Variants in RAD51 observed in about 807,000 individuals in gnomAD.
RAD51 encodes the protein DNA repair protein RAD51 homolog 1.
In RAD51, 14 loss-of-function variants were observed where a neutral mutation model predicts 41.5. That is an observed-to-expected ratio of 0.34 (90% confidence interval 0.22 to 0.53). RAD51 has a LOEUF of 0.53. RAD51 is among the 20% of genes least tolerant of loss of function. The pLI is 0.95. For synonymous variants in RAD51, 136 were observed against 148.6 expected (o/e 0.92, Z 0.62); for missense variants, 234 against 422.0 (o/e 0.55, Z 3.90).
At chr15:40,730,520 C>CTTTTTTTTTTTTTCTTTTCTTTTTT (rs1555429746) in intron 9 of RAD51, among the ~76,000 whole-genome samples, 29 of 113,074 alleles carry the variant, frequency 2.6e-4, no homozygotes, top group Non-Finnish European at 3.4e-4. Flanking sequence ...AATTTTTTTT[C>CTTTTTTTTTTTTTCTTTTCTTTTTT]TTTTTTTTTT....
intron 3 of RAD51, 127 bp downstream of exon 3, chr15:40,701,328 T>G: frequency 3.8e-6 from 4 of 1,040,354 alleles, no homozygotes; most frequent in Non-Finnish European, 5.8e-6. Flanking sequence ...GGGGTGACTG[T>G]TACCTGTTTC....
intron 5 of RAD51, among the ~76,000 whole-genome samples, chr15:40,711,660 G>A (rs1197692844): frequency 1.3e-5 from 2 of 152,164 alleles, no homozygotes; most frequent in African/African-American, 2.4e-5. Context: ...GCATTTAACT[G>A]TATAGAATGG....
At chr15:40,729,113 C>T (rs1386148722) in intron 7 of RAD51, among the ~76,000 whole-genome samples, 2 of 152,134 alleles carry the variant, frequency 1.3e-5, no homozygotes, top group East Asian at 3.9e-4. Context: ...TGGCTCAAGC[C>T]TGTAATCCCA....
intron 6 of RAD51, among the ~76,000 whole-genome samples, chr15:40,724,778 A>G (rs1423595721): frequency 3.7e-5 from 5 of 136,348 alleles, no homozygotes; most frequent in African/African-American, 1.4e-4. Context: ...TCCCAGGTTC[A>G]CGCCATTCTC....
chr15:40,732,310 G>C lies in RAD51; in HGVS notation c.*1132G>C, dbSNP rs11852786. On this transcript the variant is annotated 3_prime_UTR_variant, in exon 10 of 10. Coordinates refer to ENST00000267868, the MANE Select transcript of RAD51 (RefSeq NM_002875.5). ...CACTTGCAGATGATTGTGCTTAAAA[G>C]CTAATGGAAAAATAAAAGAAAGACA... 92,237 of 168,062 alleles carry C rather than the reference G, an allele frequency of 0.55. 25,930 individuals carry two copies. The highest frequency in any genetic ancestry group is 0.81 in the East Asian group (6,862 of 8,422). 10.4% of individuals were successfully genotyped at this position (168,062 alleles called of 1,614,324 possible).
chr15:40,700,930 C>G, intron 2 of RAD51, 134 bp from the exon 3 acceptor site: 2 of 758,368 alleles, frequency 2.6e-6, no homozygotes, highest in Non-Finnish European at 4.1e-6. Context: ...TCTCCCCCCG[C>G]CCCCCCAAGG....
intron 5 of RAD51, among the ~76,000 whole-genome samples, chr15:40,718,131 G>A (rs369292579): frequency 6.6e-6 from 1 of 152,138 alleles, no homozygotes; most frequent in Non-Finnish European, 1.5e-5. Flanking sequence ...GGTGAGATGG[G>A]AGGATCTCCA....
At chr15:40,712,839 G>A (rs954542033) in intron 5 of RAD51, among the ~76,000 whole-genome samples, 1 of 150,526 alleles carries the variant, frequency 6.6e-6, no homozygotes, top group African/African-American at 2.4e-5. Flanking sequence ...TTCTATCCTC[G>A]GGACTCAACT....
intron 9 of RAD51, among the ~76,000 whole-genome samples, chr15:40,730,520 C>CTTTTTTTTTTTTTTCTTTTCTTTTT (rs1596028824): frequency 3.5e-5 from 4 of 113,106 alleles, no homozygotes; most frequent in Non-Finnish European, 5.1e-5. Flanking sequence ...AATTTTTTTT[C>CTTTTTTTTTTTTTTCTTTTCTTTTT]TTTTTTTTTT....
chr15:40,723,415 T>A (rs1432802711), intron 6 of RAD51, among the ~76,000 whole-genome samples: 2 of 152,198 alleles, frequency 1.3e-5, no homozygotes, highest in Admixed American at 6.5e-5. Context: ...ATCATTATAA[T>A]AGCCCAAAAT....
intron 1 of RAD51, among the ~76,000 whole-genome samples, chr15:40,696,726 AGG>A (rs1322575863): frequency 6.6e-6 from 1 of 152,244 alleles, no homozygotes; most frequent in Non-Finnish European, 1.5e-5. Flanking sequence ...AAAATACATC[AGG>A]AGTGTTGAGT....
At position 40,698,765 on chromosome 15, in the gene RAD51, A is replaced by G. The variant is rs751792276; in HGVS notation, c.7A>G (p.Met3Val). 13 of 1,613,898 alleles carry G rather than the reference A, an allele frequency of 8.1e-6. No homozygotes were observed. The highest frequency in any genetic ancestry group is 2.2e-5 in the East Asian group (1 of 44,890). ...GCATTTGTATTTTTCAGTAATGGCA[A>G]TGCAGATGCAGCTTGAAGCAAATGC... MAMQMQLEANADT... is the reference protein window; with the variant it reads MAVQMQLEANADT... Residue 3 changes from methionine (M) to valine (V), a missense_variant, in exon 2 of 10, where the codon ATG (methionine) becomes GTG (valine). Met to Val is a conservative substitution (Grantham distance 21). Transcript: ENST00000267868.
Position 40,715,850 on chromosome 15 carries a change from C to T in RAD51, c.436-2955C>T, listed in dbSNP as rs1247969931. Among the ~76,000 whole-genome samples, 3 of 152,326 alleles carry T rather than the reference C, an allele frequency of 2.0e-5. No individual in the cohort carries two copies. The East Asian group carries it at 5.8e-4, about 29-fold the overall frequency. ...TAGGAGAAAGGAGAACTTCGTTCAT[C>T]TTATTTCCTGGGGACTTAGTCCCCA... On this transcript the variant is annotated intron_variant, in intron 5 of 9. Transcript: ENST00000267868.
intron 5 of RAD51, among the ~76,000 whole-genome samples, chr15:40,712,274 C>T (rs933257272): frequency 6.6e-6 from 1 of 152,090 alleles, no homozygotes; most frequent in Non-Finnish European, 1.5e-5. Context: ...ATTACAGTAA[C>T]TTAGTAAACC....
intron 9 of RAD51, 99 bp downstream of exon 9, chr15:40,730,073 T>G (rs1298519467): frequency 1.1e-5 from 16 of 1,483,660 alleles, no homozygotes; most frequent in Non-Finnish European, 9.3e-6. Flanking sequence ...TTAAAGCTAC[T>G]GTTGTATAGA....
chr15:40,716,662 T>C (rs1402082648), intron 5 of RAD51, among the ~76,000 whole-genome samples: 1 of 141,758 alleles, frequency 7.1e-6, no homozygotes, highest in Non-Finnish European at 1.5e-5. Context: ...TACTTCTTTT[T>C]TTTTTTTTTT....
intron 4 of RAD51, 140 bp from the exon 5 acceptor site, chr15:40,708,885 T>C (rs1895520837): frequency 1.2e-6 from 1 of 801,874 alleles, no homozygotes; most frequent in Non-Finnish European, 2.1e-6. Context: ...CAAAATACAT[T>C]TGTGAAAAAT....
rs187218655 is a variant in RAD51 at position 40,706,306 on chromosome 15, C to T, written c.343+12C>T. 3.2e-6 allele frequency: 5 copies of T among 1,572,840 alleles called. No individual in the cohort carries two copies. The highest frequency in any genetic ancestry group is 4.4e-6 in the Non-Finnish European group (5 of 1,142,544). On this transcript the variant is annotated intron_variant, in intron 4 of 9. Transcript: ENST00000267868. ...CAAACTACTTCAAGGTGTAGTAATC[C>T]TTTATCCTGTGTTGTGAACTCTAGT...
chr15:40,719,363 A>G (rs958180739), intron 6 of RAD51, among the ~76,000 whole-genome samples: 1 of 151,506 alleles, frequency 6.6e-6, no homozygotes, highest in Non-Finnish European at 1.5e-5. Context: ...CCGGCCAGAA[A>G]AAGGCATTCT....
Sources: gnomAD v4.1 joint callset for allele counts (sites outside exome capture counted in the v4.1 genomes callset) on GRCh38, gnomAD v4.1.1 for gene constraint, MANE v1.5 for transcripts, NCBI Gene and HGNC (gene_info 2026-07-23, HGNC 2026-07-21) for gene names.